Variants in ZNF566 observed in about 807,000 individuals in gnomAD.
ZNF566 encodes the protein zinc finger protein 566.
In ZNF566, 27 loss-of-function variants were observed where a neutral mutation model predicts 32.8. The observed-to-expected ratio is 0.82, with a 90% CI of 0.61 to 1.14. ZNF566 has a LOEUF of 1.14. Among genes scored for constraint, ZNF566 ranks in the 50% most tolerant of loss-of-function variants. The pLI is 0.00. For synonymous variants in ZNF566, 154 were observed against 159.5 expected (o/e 0.97, Z 0.26); for missense variants, 402 against 490.4 (o/e 0.82, Z 1.70).
Position 36,449,992 on chromosome 19 carries a change from G to A in ZNF566, c.242C>T (p.Ser81Leu). The A allele has an allele frequency of 6.2e-7, 1 of 1,604,762 alleles. No individual in the cohort carries two copies. The highest frequency in any genetic ancestry group is 8.5e-7 in the Non-Finnish European group (1 of 1,176,702). ...LTRGQWPVLE[S>L]RCETKKLFLK... is the part of the protein sequence containing the mutation. ...AAATAATTTCTTGGTCTCACATCTT[G>A]ATTCCAGGACTGAAAGAAAATATGA... The change falls in exon 5 of 5, where the codon TCA (serine) becomes TTA (leucine). Residue 81 changes from serine to leucine, a missense_variant. This residue lies in a region of ZNF566 where 220 missense variants were observed against 241.9 expected (regional missense o/e 0.91). Coordinates refer to ENST00000452939, the MANE Select transcript of ZNF566 (RefSeq NM_001145344.1).
intron 4 of ZNF566, among the ~76,000 whole-genome samples, chr19:36,458,849 AT>A (rs548624699): frequency 4.2e-4 from 64 of 152,158 alleles, no homozygotes; most frequent in Non-Finnish European, 7.6e-4. Context: ...TATACTGTAA[AT>A]ACATATAATT....
chr19:36,478,217 T>C (rs2033943627), intron 1 of ZNF566, among the ~76,000 whole-genome samples: 1 of 152,164 alleles, frequency 6.6e-6, no homozygotes, highest in South Asian at 2.1e-4. Flanking sequence ...AAAACCTAAA[T>C]GCACGCTGAT....
At chr19:36,457,039 T>A (rs1568513743) in intron 4 of ZNF566, among the ~76,000 whole-genome samples, 1 of 152,100 alleles carries the variant, frequency 6.6e-6, no homozygotes, top group African/African-American at 2.4e-5. Context: ...GGCACTGGCA[T>A]AAAAATAGAC....
At chr19:36,451,525 T>C (rs528024434) in intron 4 of ZNF566, among the ~76,000 whole-genome samples, 27 of 152,310 alleles carry the variant, frequency 1.8e-4, no homozygotes, top group African/African-American at 5.8e-4. Flanking sequence ...AGGCAGTGTA[T>C]GGTACTGACA....
chr19:36,451,630 A>G (rs1056966148), intron 4 of ZNF566, among the ~76,000 whole-genome samples: 3 of 152,200 alleles, frequency 2.0e-5, no homozygotes, highest in Non-Finnish European at 4.4e-5. Context: ...CAACCTTCCA[A>G]ACCTGCAGTT....
At chr19:36,463,197 G>A (rs922889494) in intron 4 of ZNF566, among the ~76,000 whole-genome samples, 5 of 151,564 alleles carry the variant, frequency 3.3e-5, no homozygotes, top group Admixed American at 6.6e-5. Context: ...TCAGCTACTC[G>A]GGGGCTGAGG....
intron 4 of ZNF566, among the ~76,000 whole-genome samples, chr19:36,460,901 A>G (rs1158049661): frequency 6.6e-6 from 1 of 152,214 alleles, no homozygotes; most frequent in Non-Finnish European, 1.5e-5. Flanking sequence ...AAAAATTGGA[A>G]CAATAATTTA....
chr19:36,484,363 A>G (rs1425054778), intron 1 of ZNF566, among the ~76,000 whole-genome samples: 1 of 152,194 alleles, frequency 6.6e-6, no homozygotes, highest in African/African-American at 2.4e-5. Flanking sequence ...ATAGAAGTAC[A>G]AAGTCCTTCT....
chr19:36,467,416 C>T (rs973046571), intron 4 of ZNF566, among the ~76,000 whole-genome samples: 3 of 115,798 alleles, frequency 2.6e-5, no homozygotes, highest in Non-Finnish European at 5.1e-5. Context: ...GCCTGGGCAA[C>T]AATGTGAGGC....
chr19:36,472,989 GT>G lies in ZNF566; in HGVS notation c.153del (p.Lys51AsnfsTer4). 1 of 1,613,486 alleles carries G rather than the reference GT, an allele frequency of 6.2e-7. No individual in the cohort carries two copies. Among genetic ancestry groups the G allele is most frequent in the Non-Finnish European group, 8.5e-7 (1 of 1,179,810 alleles). On this transcript the variant is annotated frameshift_variant, in exon 4 of 5. Transcript: ENST00000452939. LOFTEE classifies it high-confidence loss of function. ...NLVSMGHSIS[K>X]PNVISYLEQG... ...TGCTCCAAGTAGGAGATCACATTTG[GT>G]TTAGAAATAGAATGCCCTGCTTACA... is the stretch of plus-strand genomic sequence containing the variant.
chr19:36,478,289 T>TATAATATATATAG (rs2033945401), intron 1 of ZNF566, among the ~76,000 whole-genome samples: 1 of 152,170 alleles, frequency 6.6e-6, no homozygotes, highest in South Asian at 2.1e-4. Flanking sequence ...AAATAGCCTA[T>TATAATATATATAG]GATATATAAT....
At chr19:36,480,583 C>T (rs1331162260) in intron 1 of ZNF566, among the ~76,000 whole-genome samples, 1 of 125,618 alleles carries the variant, frequency 8.0e-6, no homozygotes. Context: ...CCTTGCCCAG[C>T]CTCCATGCAG....
At chr19:36,489,448 GC>G (rs912956197) in intron 1 of ZNF566, 37 bp downstream of exon 1, 26 of 303,372 alleles carry the variant, frequency 8.6e-5, no homozygotes, top group Admixed American at 1.5e-4. Flanking sequence ...TTGGCCCCCG[GC>G]CCCGCCCTCT....
At chr19:36,483,696 A>C (rs1442420811) in intron 1 of ZNF566, among the ~76,000 whole-genome samples, 4 of 152,084 alleles carry the variant, frequency 2.6e-5, no homozygotes, top group Non-Finnish European at 5.9e-5. Context: ...CAAAAGAAAA[A>C]CTTCAGCTGA....
Position 36,445,211 on chromosome 19 carries a change from A to AAAAGTG in ZNF566, c.*3760_*3765dup, listed in dbSNP as rs1280062886. The AAAAGTG allele has an allele frequency of 2.0e-5, 3 of 152,178 alleles. No homozygotes were observed. Among genetic ancestry groups the AAAAGTG allele is most frequent in the African/African-American group, 7.2e-5 (3 of 41,450 alleles). 9.4% of individuals were successfully genotyped at this position (152,178 alleles called of 1,614,324 possible). A position where few individuals can be genotyped will look rare whatever the true frequency, so the allele number is the denominator to read the frequency against. On this transcript the variant is annotated 3_prime_UTR_variant, in exon 5 of 5. Coordinates refer to ENST00000452939, the MANE Select transcript of ZNF566 (RefSeq NM_001145344.1). ...TATTTCCAAGTAATAAAAGCTATTG[A>AAAAGTG]AAAGTGTCAAGGATTGCTAGAATAT...
rs896662282 is a variant in ZNF566 at position 36,447,092 on chromosome 19, T to G, written c.*1885A>C. ...GTGCCATGGCGTGATCTTGGCTCAC[T>G]GCAACCTCCACCTCCTGCATTCAAG... is the stretch of plus-strand genomic sequence containing the variant. On this transcript the variant is annotated 3_prime_UTR_variant, in exon 5 of 5. Coordinates refer to ENST00000452939, the MANE Select transcript of ZNF566 (RefSeq NM_001145344.1). 13 of 152,110 alleles carry G rather than the reference T, an allele frequency of 8.5e-5. No homozygotes were observed. The highest frequency in any genetic ancestry group is 1.9e-4 in the Non-Finnish European group (13 of 68,150). 9.4% of individuals were successfully genotyped at this position (152,110 alleles called of 1,614,324 possible).
chr19:36,473,380 A>G lies in ZNF566; in HGVS notation c.88T>C (p.Leu30=). 1 of 1,613,942 alleles carries G rather than the reference A, an allele frequency of 6.2e-7. No individual in the cohort carries two copies. The highest frequency in any genetic ancestry group is 8.5e-7 in the Non-Finnish European group (1 of 1,179,876). Residue 30 remains leucine (L), a synonymous_variant, in exon 3 of 5, where the codon TTA becomes CTA. Coordinates refer to ENST00000452939, the MANE Select transcript of ZNF566 (RefSeq NM_001145344.1). ...WECLNDDQRD[L]YRDVMLENYS... is the part of the protein sequence containing the mutation. Reference sequence around the variant, plus strand: ...TTCTCCAACATCACATCTCTGTATAAATCTCTCTGATCATCATTCAGGCAT... The same window carrying G: ...TTCTCCAACATCACATCTCTGTATAGATCTCTCTGATCATCATTCAGGCAT...
intron 4 of ZNF566, among the ~76,000 whole-genome samples, chr19:36,469,066 AATGTACACTCTTAC>A (rs2033696679): frequency 6.6e-6 from 1 of 152,064 alleles, no homozygotes; most frequent in Non-Finnish European, 1.5e-5. Context: ...CTATGGTGAA[AATGTACACTCTTAC>A]AAGTATTCAA....
At chr19:36,456,727 A>G (rs929423053) in intron 4 of ZNF566, among the ~76,000 whole-genome samples, 2 of 152,166 alleles carry the variant, frequency 1.3e-5, no homozygotes, top group African/African-American at 4.8e-5. Flanking sequence ...AACTTAAAGT[A>G]TAATAAAAAA....
Sources: allele counts gnomAD v4.1 joint callset (sites outside exome capture counted in the v4.1 genomes callset), GRCh38; gene constraint gnomAD v4.1.1; regional missense constraint gnomAD v4.1.1; transcripts MANE v1.5; gene names NCBI Gene and HGNC (gene_info 2026-07-23, HGNC 2026-07-21).